RPS6KC1: variants seen among roughly 807,000 people sequenced by gnomAD.
The protein encoded by RPS6KC1 is ribosomal protein S6 kinase C1, also known as inactive ribosomal protein S6 kinase delta-1.
Under a neutral mutation model 103.8 loss-of-function variants are expected in RPS6KC1, and 54 were observed. The ratio of observed to expected loss-of-function variants is 0.52; its 90% CI spans 0.42 to 0.65. RPS6KC1 has a LOEUF of 0.65. Ranked by LOEUF, RPS6KC1 falls within the 30% of genes least tolerant of loss-of-function variation. RPS6KC1 has a pLI of 0.00. For missense variants in RPS6KC1, 1,151 were observed against 1,253.8 expected, an observed-to-expected ratio of 0.92 and a Z score of 1.24; for synonymous variants, 439 against 438.7, an observed-to-expected ratio of 1.00 and a Z score of -0.01.
chr1:213,481,288 A>C, the RPS6KC1 span, among the ~76,000 whole-genome samples: 193 of 152,332 alleles, frequency 1.3e-3, 4 homozygotes, highest in South Asian at 0.039. Context: ...TCCCATGAAA[A>C]GACAAGAAAA....
At chr1:213,174,696 G>T (rs1573015295) in intron 7 of RPS6KC1, among the ~76,000 whole-genome samples, 1 of 149,268 alleles carries the variant, frequency 6.7e-6, no homozygotes, top group Admixed American at 6.7e-5. Flanking sequence ...AAAAAAAGAG[G>T]TTATTGCTAT....
intron 8 of RPS6KC1, among the ~76,000 whole-genome samples, chr1:213,212,780 G>A (rs552771660): frequency 1.2e-4 from 19 of 152,270 alleles, no homozygotes; most frequent in Non-Finnish European, 2.4e-4. Flanking sequence ...GGCAATTCTA[G>A]TAGGTATGTA....
chr1:213,724,251 C>A, the RPS6KC1 span, among the ~76,000 whole-genome samples: 1 of 152,146 alleles, frequency 6.6e-6, no homozygotes, highest in Non-Finnish European at 1.5e-5. Context: ...CTGCACCCGG[C>A]AAATTTTCAG....
the RPS6KC1 span, among the ~76,000 whole-genome samples, chr1:213,680,043 T>C: frequency 6.6e-6 from 1 of 152,260 alleles, no homozygotes; most frequent in Non-Finnish European, 1.5e-5. Flanking sequence ...TTTTATTAAA[T>C]ATTTGTCAAA....
the RPS6KC1 span, among the ~76,000 whole-genome samples, chr1:213,626,998 T>A: frequency 1.3e-5 from 2 of 152,306 alleles, no homozygotes; most frequent in African/African-American, 4.8e-5. Flanking sequence ...TAGCATTGAA[T>A]CTGTAAATTA....
the RPS6KC1 span, among the ~76,000 whole-genome samples, chr1:213,609,795 C>T: frequency 7.2e-6 from 1 of 139,652 alleles, no homozygotes; most frequent in Non-Finnish European, 1.6e-5. Flanking sequence ...CAAAACCCGC[C>T]ATTACTTTTG....
intron 8 of RPS6KC1, among the ~76,000 whole-genome samples, chr1:213,182,666 T>C (rs1200290460): frequency 1.3e-5 from 2 of 151,234 alleles, no homozygotes; most frequent in African/African-American, 4.9e-5. Flanking sequence ...GAGATTGATA[T>C]TGGTTTAAAG....
the RPS6KC1 span, among the ~76,000 whole-genome samples, chr1:213,338,983 GC>G: frequency 6.6e-6 from 1 of 152,124 alleles, no homozygotes; most frequent in African/African-American, 2.4e-5. Flanking sequence ...ACAGACCAGG[GC>G]CAGGCACGGT....
chr1:213,574,744 G>C, the RPS6KC1 span, among the ~76,000 whole-genome samples: 47 of 152,322 alleles, frequency 3.1e-4, 1 homozygote, highest in South Asian at 9.1e-3. Context: ...AACATGGTGG[G>C]AAGTCGAAGG....
At chr1:213,413,100 G>A in the RPS6KC1 span, among the ~76,000 whole-genome samples, 8 of 152,128 alleles carry the variant, frequency 5.3e-5, no homozygotes, top group Admixed American at 1.3e-4. Context: ...ACGATGTGAC[G>A]GAGTATGTGT....
At chr1:213,355,521 G>A in the RPS6KC1 span, among the ~76,000 whole-genome samples, 1 of 152,214 alleles carries the variant, frequency 6.6e-6, no homozygotes, top group Admixed American at 6.5e-5. Flanking sequence ...GTCATTTTTT[G>A]TGATAAGTGA....
chr1:213,611,595 A>G, the RPS6KC1 span, among the ~76,000 whole-genome samples: 1 of 152,310 alleles, frequency 6.6e-6, no homozygotes, highest in East Asian at 1.9e-4. Context: ...GGGAAGAGCT[A>G]TGTCAAACAA....
chr1:213,265,836 C>T (rs2094899139), intron 14 of RPS6KC1, among the ~76,000 whole-genome samples: 1 of 152,178 alleles, frequency 6.6e-6, no homozygotes, highest in South Asian at 2.1e-4. Context: ...TTGCAGATCT[C>T]ACTTTTGTGA....
chr1:213,502,754 T>C, the RPS6KC1 span, among the ~76,000 whole-genome samples: 6 of 152,190 alleles, frequency 3.9e-5, no homozygotes, highest in Non-Finnish European at 8.8e-5. Context: ...AGAAGAAAGA[T>C]GAAGAATATT....
chr1:213,285,186 G>A, the RPS6KC1 span, among the ~76,000 whole-genome samples: 6 of 152,270 alleles, frequency 3.9e-5, no homozygotes, highest in South Asian at 6.2e-4. Flanking sequence ...GGTTGTAGAC[G>A]CCGGCTTGCT....
At chr1:213,832,725 T>G in the RPS6KC1 span, 1 of 152,336 alleles carries the variant, frequency 6.6e-6, no homozygotes, top group South Asian at 2.1e-4. Context: ...AAAGCAGTAC[T>G]TAGAAAAAGC....
chr1:213,854,550 TTCTTTCTTTCTTTC>T, the RPS6KC1 span, among the ~76,000 whole-genome samples: 99 of 105,318 alleles, frequency 9.4e-4, no homozygotes, highest in African/African-American at 2.6e-3. Flanking sequence ...CTTTCTTTCT[TTCTTTCTTTCTTTC>T]TCTCTCTCTC....
chr1:213,451,740 C>T, the RPS6KC1 span, among the ~76,000 whole-genome samples: 11 of 152,342 alleles, frequency 7.2e-5, no homozygotes, highest in African/African-American at 2.4e-4. Context: ...GATCAGCTTT[C>T]CTGGAGTTTC....
intron 8 of RPS6KC1, among the ~76,000 whole-genome samples, chr1:213,220,642 A>G (rs1294018613): frequency 1.3e-5 from 2 of 152,348 alleles, no homozygotes; most frequent in East Asian, 1.9e-4. Flanking sequence ...GCCATTTTAA[A>G]ACTAAGAGTT....
Sources: allele counts gnomAD v4.1 joint callset (sites outside exome capture counted in the v4.1 genomes callset), GRCh38; gene constraint gnomAD v4.1.1; transcripts MANE v1.5; gene names NCBI Gene and HGNC (gene_info 2026-07-23, HGNC 2026-07-21).